Variants in STK17B observed in about 807,000 individuals in gnomAD.
STK17B encodes serine/threonine-protein kinase 17B.
A neutral mutation model predicts 42.0 loss-of-function variants in STK17B; 21 were observed. The observed-to-expected ratio is 0.50, with a 90% CI of 0.35 to 0.72. STK17B has a LOEUF of 0.72. Ranked by LOEUF, STK17B falls within the 30% of genes least tolerant of loss-of-function variation. The pLI is 0.00. For missense variants in STK17B, 349 were observed against 446.0 expected, an observed-to-expected ratio of 0.78 and a Z score of 1.96; for synonymous variants, 143 against 148.4, an observed-to-expected ratio of 0.96 and a Z score of 0.26.
chr2:196,148,818 C>T (rs1454483138), intron 3 of STK17B, among the ~76,000 whole-genome samples: 2 of 152,076 alleles, frequency 1.3e-5, no homozygotes, highest in Non-Finnish European at 2.9e-5. Context: ...AAATTAAAAA[C>T]AAAATACAAG....
chr2:196,143,737 T>C (rs373764353), intron 4 of STK17B, 51 bp from the exon 5 acceptor site: 6 of 1,386,494 alleles, frequency 4.3e-6, no homozygotes, highest in Non-Finnish European at 5.7e-6. Flanking sequence ...AAAAGCATAC[T>C]AGTCTCAGAT....
chr2:196,137,004 A>C lies in STK17B; in HGVS notation c.*443T>G, dbSNP rs1003584370. 2 of 153,528 alleles carry C rather than the reference A, an allele frequency of 1.3e-5. No homozygotes were observed. The highest frequency in any genetic ancestry group is 4.8e-5 in the African/African-American group (2 of 41,538). 9.5% of individuals were successfully genotyped at this position (153,528 alleles called of 1,614,324 possible). A position where few individuals can be genotyped will look rare whatever the true frequency, so the allele number is the denominator to read the frequency against. ...TAGAAATTATTTTGGCTTAAACTTC[A>C]TACTGCTTTCCTAAACAAATTATGT... On this transcript the variant is annotated 3_prime_UTR_variant, in exon 8 of 8. Coordinates refer to ENST00000263955, the MANE Select transcript of STK17B (RefSeq NM_004226.4).
rs548833191 is a variant in STK17B, at chr2:196,137,176, G to A, written c.*271C>T. The A allele has an allele frequency of 5.5e-6, 2 of 362,732 alleles. No homozygotes were observed. The highest frequency in any genetic ancestry group is 4.4e-5 in the Admixed American group (1 of 22,906). The allele number at this position is 362,732 out of a possible 1,614,324, so 22.5% of individuals were successfully genotyped here. A position where few individuals can be genotyped will look rare whatever the true frequency, so the allele number is the denominator to read the frequency against. On this transcript the variant is annotated 3_prime_UTR_variant, in exon 8 of 8. Coordinates refer to ENST00000263955, the MANE Select transcript of STK17B (RefSeq NM_004226.4). ...AAACATTCTGGTAAGTTCATTTGAA[G>A]TTGAATTATTTCATTAACATGTAAA... is the stretch of plus-strand genomic sequence containing the variant.
intron 3 of STK17B, among the ~76,000 whole-genome samples, chr2:196,146,512 A>T: frequency 6.6e-6 from 1 of 152,204 alleles, no homozygotes. Context: ...CCCAAAAAAA[A>T]GAAAAAAGAA....
At chr2:196,139,060 G>A (rs6743693) in intron 7 of STK17B, among the ~76,000 whole-genome samples, 73,228 of 151,862 alleles carry the variant, frequency 0.48, 20,298 homozygotes, top group South Asian at 0.63. Flanking sequence ...TCTGCCTCCC[G>A]GATTCACGCC....
chr2:196,141,584 G>C (rs559532207), intron 5 of STK17B, among the ~76,000 whole-genome samples: 1 of 152,136 alleles, frequency 6.6e-6, no homozygotes, highest in Non-Finnish European at 1.5e-5. Context: ...CCTTGAACCC[G>C]GGAGGCATAG....
intron 5 of STK17B, among the ~76,000 whole-genome samples, 160 bp downstream of exon 5, chr2:196,143,400 A>C (rs915370390): frequency 6.6e-6 from 1 of 152,174 alleles, no homozygotes; most frequent in African/African-American, 2.4e-5. Flanking sequence ...ATTTCATTTA[A>C]ATGTGTCTTA....
intron 2 of STK17B, among the ~76,000 whole-genome samples, chr2:196,157,940 T>C (rs1209845732): frequency 6.6e-6 from 1 of 152,168 alleles, no homozygotes; most frequent in African/African-American, 2.4e-5. Flanking sequence ...AAATAGGAAG[T>C]TTTACATATA....
intron 1 of STK17B, among the ~76,000 whole-genome samples, chr2:196,163,765 T>C (rs1204562678): frequency 1.3e-5 from 2 of 152,114 alleles, no homozygotes; most frequent in African/African-American, 2.4e-5. Context: ...CAGCTGGACA[T>C]GGTGGTATAC....
chr2:196,159,141 T>C (rs1160349716), intron 2 of STK17B, among the ~76,000 whole-genome samples: 2 of 151,986 alleles, frequency 1.3e-5, no homozygotes, highest in Non-Finnish European at 2.9e-5. Flanking sequence ...TATAAAGAAA[T>C]TCACTTGTAA....
At chr2:196,143,901 A>C (rs1474291118) in intron 4 of STK17B, among the ~76,000 whole-genome samples, 1 of 152,228 alleles carries the variant, frequency 6.6e-6, no homozygotes, top group Non-Finnish European at 1.5e-5. Flanking sequence ...GTTTGAAGAG[A>C]AAAGAAGTTA....
intron 5 of STK17B, among the ~76,000 whole-genome samples, chr2:196,143,022 T>G (rs1391115510): frequency 6.6e-6 from 1 of 152,262 alleles, no homozygotes; most frequent in African/African-American, 2.4e-5. Context: ...TTTGGCACTC[T>G]TCTTCAAAAC....
intron 3 of STK17B, chr2:196,154,226 C>CCAACAACAAAAA: frequency 6.8e-6 from 1 of 147,418 alleles, no homozygotes; most frequent in East Asian, 2.0e-4. Flanking sequence ...GAGCAAGACT[C>CCAACAACAAAAA]CAACAACAAC....
intron 1 of STK17B, among the ~76,000 whole-genome samples, chr2:196,168,009 T>A (rs191697452): frequency 2.8e-3 from 419 of 152,320 alleles, no homozygotes; most frequent in Non-Finnish European, 4.9e-3. Context: ...AATTAGTCAT[T>A]GATTAGAAGT....
intron 1 of STK17B, among the ~76,000 whole-genome samples, chr2:196,167,624 T>A (rs1376588199): frequency 6.6e-6 from 1 of 152,260 alleles, no homozygotes; most frequent in East Asian, 1.9e-4. Flanking sequence ...TACTATAATG[T>A]AATGCCAATA....
chr2:196,162,414 C>CTT (rs57918319), intron 2 of STK17B, among the ~76,000 whole-genome samples: 9 of 130,926 alleles, frequency 6.9e-5, no homozygotes, highest in African/African-American at 1.9e-4. Flanking sequence ...TCTTCTTCTT[C>CTT]TTTTTTTTTT....
intron 3 of STK17B, among the ~76,000 whole-genome samples, chr2:196,149,397 C>T (rs2105691413): frequency 6.6e-6 from 1 of 152,238 alleles, no homozygotes; most frequent in East Asian, 1.9e-4. Flanking sequence ...ATCTCCTGAC[C>T]TCGTGATCCG....
rs114783043 is a variant in STK17B, at chr2:196,138,538, G to T, written c.837-809C>A. On this transcript the variant is annotated intron_variant, in intron 7 of 7. Transcript: ENST00000263955. ...GCTAGTGGGTCTTTATATTTTGAAAGACGGTGCTTAACTAACCTCCAAATC... is the reference window on the plus strand; with the variant it reads ...GCTAGTGGGTCTTTATATTTTGAAATACGGTGCTTAACTAACCTCCAAATC... Among the ~76,000 whole-genome samples, 703 of 151,932 alleles carry T rather than the reference G, an allele frequency of 4.6e-3. 10 individuals carry two copies. The highest frequency in any genetic ancestry group is 0.016 in the African/African-American group (672 of 41,434).
chr2:196,157,056 A>G (rs1699749713), intron 2 of STK17B, among the ~76,000 whole-genome samples: 2 of 152,008 alleles, frequency 1.3e-5, no homozygotes, highest in South Asian at 4.2e-4. Context: ...TCCCAGCTAC[A>G]CAGGAGAATC....
Sources: gnomAD v4.1 joint callset for allele counts (sites outside exome capture counted in the v4.1 genomes callset) on GRCh38, gnomAD v4.1.1 for gene constraint, MANE v1.5 for transcripts, NCBI Gene and HGNC (gene_info 2026-07-23, HGNC 2026-07-21) for gene names.